The following TYK2 variants were observed in gnomAD, a reference collection of about 807,000 sequenced individuals.
TYK2 encodes the protein tyrosine kinase 2.
A neutral mutation model predicts 130.9 loss-of-function variants in TYK2; 65 were observed. That is an observed-to-expected ratio of 0.50 (90% CI 0.41 to 0.61). TYK2 has a LOEUF of 0.61. Among genes scored for constraint, TYK2 ranks in the 20% least tolerant of loss-of-function variants. The pLI, the probability that TYK2 is intolerant of heterozygous loss-of-function variation, is 0.00. For missense variants in TYK2, 1,378 were observed against 1,610.7 expected, an observed-to-expected ratio of 0.86 and a Z score of 2.47; for synonymous variants, 647 against 658.9, an observed-to-expected ratio of 0.98 and a Z score of 0.28.
chr19:10,362,240 C>A (rs762025333), intron 11 of TYK2, 24 bp downstream of exon 11: 2 of 1,613,542 alleles, frequency 1.2e-6, no homozygotes, highest in Admixed American at 1.7e-5. Context: ...CACATCCCAC[C>A]CAGAGGTCCC....
chr19:10,376,893 C>T (rs1231836066), intron 3 of TYK2, among the ~76,000 whole-genome samples: 3 of 151,888 alleles, frequency 2.0e-5, no homozygotes, highest in African/African-American at 4.8e-5. Flanking sequence ...TGAGCCACCG[C>T]GCCCGGCCTG....
At chr19:10,376,948 C>T (rs188123434) in intron 3 of TYK2, among the ~76,000 whole-genome samples, 10 of 152,176 alleles carry the variant, frequency 6.6e-5, no homozygotes, top group Non-Finnish European at 1.2e-4. Flanking sequence ...GTCACCCAGG[C>T]TGGAGTGCAG....
chr19:10,364,433 G>A lies in TYK2; in HGVS notation c.1367+181C>T, dbSNP rs2041551120. On this transcript the variant is annotated intron_variant, in intron 9 of 24. Transcript: ENST00000525621. The surrounding 1 kb of genome is among the most constrained non-coding windows in gnomAD (Gnocchi z 4.9). ...GGAGGCTGAGGCAGGAGAATCGCTT[G>A]AACCCGGGAGGCGGAGGCTGCAGTG... is the stretch of plus-strand genomic sequence containing the variant. 6.6e-6 allele frequency among the ~76,000 whole-genome samples: 1 copy of A among 152,114 alleles called. No homozygotes were observed. The highest frequency in any genetic ancestry group is 6.6e-5 in the Admixed American group (1 of 15,262).
Position 10,361,893 on chromosome 19 carries a change from G to A in TYK2, c.1836C>T (p.Gly612=). 6.2e-7 allele frequency: 1 copy of A among 1,614,060 alleles called. No homozygotes were observed. Residue 612 remains glycine, a synonymous_variant, in exon 13 of 25, where the codon GGC becomes GGT. Transcript: ENST00000525621. This position sits in a 1 kb window ranked among gnomAD's most constrained non-coding sequence, Gnocchi z 4.0. ...NVYEGRLRVE[G]SGDPEEGKMD... ...TCTTGCCCTCCTCAGGGTCCCCGCT[G>A]CCCTCCACTCGCAGGCGGCCCTCAT...
At chr19:10,377,778 ATGGATAGG>A (rs1421490246) in intron 3 of TYK2, among the ~76,000 whole-genome samples, 1 of 50,670 alleles carries the variant, frequency 2.0e-5, no homozygotes, top group African/African-American at 9.3e-5. Flanking sequence ...GAGTAGGTGG[ATGGATAGG>A]TGGATAGGTG....
Position 10,361,917 on chromosome 19 carries a change from A to G in TYK2, c.1812T>C (p.Tyr604=), listed in dbSNP as rs1208585145. The G allele has an allele frequency of 6.2e-7, 1 of 1,613,990 alleles. No homozygotes were observed. The highest frequency in any genetic ancestry group is 1.1e-5 in the South Asian group (1 of 91,072). The change falls in exon 13 of 25, where the codon TAT becomes TAC. Residue 604 remains tyrosine (Y), a synonymous_variant. Transcript: ENST00000525621. This position sits in a 1 kb window ranked among gnomAD's most constrained non-coding sequence, Gnocchi z 4.0. ...TGCCCTCCACTCGCAGGCGGCCCTC[A>G]TACACGTTGGTCCTTGTGCCCTGGC... is the stretch of plus-strand genomic sequence containing the variant. The part of the protein sequence containing the change: ...HLGQGTRTNV[Y]EGRLRVEGSG...
intron 3 of TYK2, among the ~76,000 whole-genome samples, chr19:10,369,606 C>T (rs1046624823): frequency 6.6e-6 from 1 of 152,178 alleles, no homozygotes; most frequent in Non-Finnish European, 1.5e-5. Flanking sequence ...TCACCAAGAC[C>T]TGCTCTTCCT....
At position 10,362,333 on chromosome 19, in the gene TYK2, G is replaced by C. The variant is rs762634663; in HGVS notation, c.1600C>G (p.Gln534Glu). 7.4e-6 allele frequency: 12 copies of C among 1,614,060 alleles called. No homozygotes were observed. The East Asian group carries it at 2.5e-4, about 33-fold the overall frequency. ...TCCCCGGCCCTCAGCAAGCAGCCCT[G>C]CAAGGCAGCCCCAAGTTCCCGAACG... ...PSVRELGAAL[Q>E]GCLLRAGDDC... The change falls in exon 11 of 25, where the codon CAG (glutamine) becomes GAG (glutamate). Residue 534 changes from glutamine to glutamate, a missense_variant. Physicochemically the swap from Gln to Glu is conservative, Grantham distance 29 (BLOSUM62 2). Transcript: ENST00000525621.
chr19:10,366,020 T>C lies in TYK2; in HGVS notation c.630-122A>G, dbSNP rs994538405. On this transcript the variant is annotated intron_variant, in intron 6 of 24. Coordinates refer to ENST00000525621, the MANE Select transcript of TYK2 (RefSeq NM_003331.5). The stretch of plus-strand genomic sequence containing the variant: ...TGCCTCATCTGGAAAACAGGCACAC[T>C]AGCCAGGTGTGGTGACTTGAGCCTG... The C allele has an allele frequency of 6.5e-6, 7 of 1,083,918 alleles. No individual in the cohort carries two copies. In the African/African-American group the frequency reaches 1.1e-4, roughly 17 times the overall value. 67.1% of individuals were successfully genotyped at this position (1,083,918 alleles called of 1,614,324 possible).
Position 10,364,512 on chromosome 19 carries a change from A to T in TYK2, c.1367+102T>A, listed in dbSNP as rs2041556582. The T allele has an allele frequency of 7.4e-7, 1 of 1,360,480 alleles. No individual in the cohort carries two copies. The highest frequency in any genetic ancestry group is 2.0e-5 in the Admixed American group (1 of 50,178). 84.3% of individuals were successfully genotyped at this position (1,360,480 alleles called of 1,614,324 possible). A position where few individuals can be genotyped will look rare whatever the true frequency, so the allele number is the denominator to read the frequency against. On this transcript the variant is annotated intron_variant, in intron 9 of 24. Coordinates refer to ENST00000525621, the MANE Select transcript of TYK2 (RefSeq NM_003331.5). This position sits in a 1 kb window ranked among gnomAD's most constrained non-coding sequence, Gnocchi z 4.9. ...TTGGGCGACAAAAAATAAAAAAAAA[A>T]TAAGACGTGCACCTACACACACACC...
intron 14 of TYK2, among the ~76,000 whole-genome samples, chr19:10,360,685 C>T (rs576433538): frequency 6.6e-6 from 1 of 151,166 alleles, no homozygotes; most frequent in Admixed American, 6.6e-5. Context: ...TGCACACACA[C>T]ACACACACAG....
Position 10,350,735 on chromosome 19 carries a change from G to GAC in TYK2, c.*97_*98dup. The GAC allele has an allele frequency of 6.9e-7, 1 of 1,458,160 alleles. No homozygotes were observed. Among genetic ancestry groups the GAC allele is most frequent in the Admixed American group, 1.9e-5 (1 of 53,740 alleles). The allele number at this position is 1,458,160 out of a possible 1,614,324, so 90.3% of individuals were successfully genotyped here. ...TAAGGCACACGGTGTGGGTGAGGCT[G>GAC]ACATCCCCCTCTTGGTTTCATCCTG... On this transcript the variant is annotated 3_prime_UTR_variant, in exon 25 of 25. Coordinates refer to ENST00000525621, the MANE Select transcript of TYK2 (RefSeq NM_003331.5).
rs1447203369 is a variant in TYK2, at chr19:10,378,076, G to T, written c.193+138C>A. On this transcript the variant is annotated intron_variant, in intron 3 of 24. Coordinates refer to ENST00000525621, the MANE Select transcript of TYK2 (RefSeq NM_003331.5). ...TGGGAGGGTGGATGGGTGGGTGGAT[G>T]GGTGGATGGATGGATGGATGGATGA... The T allele has an allele frequency of 5.8e-6, 5 of 859,498 alleles. No individual in the cohort carries two copies. The Admixed American group carries it at 8.4e-5, about 14-fold the overall frequency. The allele number at this position is 859,498 out of a possible 1,614,324, so 53.2% of individuals were successfully genotyped here.
At chr19:10,359,525 TG>T (rs2041285178) in intron 14 of TYK2, among the ~76,000 whole-genome samples, 3 of 152,022 alleles carry the variant, frequency 2.0e-5, no homozygotes, top group African/African-American at 7.2e-5. Flanking sequence ...CCAAGTGGGA[TG>T]GGGCACGGAA....
At chr19:10,351,339 T>G in intron 23 of TYK2, 177 bp from the exon 24 acceptor site, 1 of 508,818 alleles carries the variant, frequency 2.0e-6, no homozygotes, top group Non-Finnish European at 3.6e-6. Flanking sequence ...ATACAAAAAT[T>G]AGCTGGGCAT....
At chr19:10,354,896 A>G (rs1013719421) in intron 18 of TYK2, among the ~76,000 whole-genome samples, 1 of 147,268 alleles carries the variant, frequency 6.8e-6, no homozygotes, top group Non-Finnish European at 1.5e-5. Flanking sequence ...CAAAAAAGTT[A>G]AAAAAAAAAA....
chr19:10,366,533 C>G lies in TYK2; in HGVS notation c.513G>C (p.Ser171=). The part of the protein sequence containing the change: ...VNDVASLWEL[S]TEEEIHHFKN... ...TAAAGTGGTGGATCTCCTCCTCGGT[C>G]GACAGCTCCCACAGTGATGCCACGT... The change falls in exon 6 of 25, where the codon TCG becomes TCC. Residue 171 remains serine (S), a synonymous_variant. Coordinates refer to ENST00000525621, the MANE Select transcript of TYK2 (RefSeq NM_003331.5). 1 of 1,613,954 alleles carries G rather than the reference C, an allele frequency of 6.2e-7. No individual in the cohort carries two copies.
chr19:10,357,860 G>A lies in TYK2; in HGVS notation c.2370C>T (p.Ser790=), dbSNP rs762732975. The part of the protein sequence containing the change: ...APECLPGGAN[S]LSTAMDKWGF... ...CCCACTTGTCCATGGCGGTGCTTAG[G>A]CTGTTGGCCCCACCTGGTAGGCATT... Residue 790 remains serine (S), a synonymous_variant, in exon 17 of 25, where the codon AGC becomes AGT. Transcript: ENST00000525621. 8 of 1,613,558 alleles carry A rather than the reference G, an allele frequency of 5.0e-6. No homozygotes were observed. Among genetic ancestry groups the A allele is most frequent in the Non-Finnish European group, 5.9e-6 (7 of 1,180,028 alleles).
intron 6 of TYK2, 77 bp downstream of exon 6, chr19:10,366,340 C>A: frequency 6.7e-7 from 1 of 1,485,196 alleles, no homozygotes; most frequent in Non-Finnish European, 9.1e-7. Flanking sequence ...CGGCAATATG[C>A]AAAGTCTACC....
Sources: gnomAD v4.1 joint callset for allele counts (sites outside exome capture counted in the v4.1 genomes callset) on GRCh38, gnomAD v4.1.1 for gene constraint, Gnocchi (gnomAD v3.1) non-coding constraint, MANE v1.5 for transcripts, NCBI Gene and HGNC (gene_info 2026-07-23, HGNC 2026-07-21) for gene names.